NCBP2L: variants seen among roughly 807,000 people sequenced by gnomAD.
NCBP2L encodes the protein nuclear cap-binding protein subunit 2-like.
For missense variants in NCBP2L, 95 were observed against 53.1 expected (o/e 1.79, Z -2.45); for synonymous variants, 39 against 19.2 (o/e 2.04, Z -2.70).
At chrX:107,785,199 T>C (rs907699824) in intron 1 of NCBP2L, among the ~76,000 whole-genome samples, 1 of 112,023 alleles carries the variant, frequency 8.9e-6, no homozygotes, top group African/African-American at 3.2e-5. Context: ...GGTTTTCTGA[T>C]GAGCCTCTGT....
intron 1 of NCBP2L, among the ~76,000 whole-genome samples, chrX:107,791,599 C>A (rs1164896399): frequency 1.8e-5 from 2 of 112,460 alleles, no homozygotes; most frequent in African/African-American, 6.5e-5. Flanking sequence ...TTGGGCTCAG[C>A]ATCATGTAAG....
chrX:107,778,481 T>C (rs976715005), intron 1 of NCBP2L, among the ~76,000 whole-genome samples: 13 of 112,790 alleles, frequency 1.2e-4, no homozygotes, highest in Middle Eastern at 4.6e-3. Flanking sequence ...AGTTCAGAGA[T>C]AGAGTTCAGG....
At chrX:107,781,692 C>CTATATA (rs1212780432) in intron 1 of NCBP2L, among the ~76,000 whole-genome samples, 3 of 66,913 alleles carry the variant, frequency 4.5e-5, no homozygotes, top group African/African-American at 8.5e-5. Flanking sequence ...CTCTCTCTCT[C>CTATATA]TATATATATA....
chrX:107,793,552 T>C (rs1380736797), intron 1 of NCBP2L, among the ~76,000 whole-genome samples: 1 of 111,954 alleles, frequency 8.9e-6, no homozygotes, highest in African/African-American at 3.3e-5. Flanking sequence ...TTTGAACAAG[T>C]GGAATTATTG....
In NCBP2L at chrX:107,795,796, G is replaced by C. The variant is rs1479457237; in HGVS notation, c.*1114G>C. ...ATAGCATAACTTAGGTTATACTGCA[G>C]TAATAAAAAATCGAAAAATTTTAGT... On this transcript the variant is annotated 3_prime_UTR_variant, in exon 2 of 2. Coordinates refer to ENST00000509000, the MANE Select transcript of NCBP2L (RefSeq NM_001348372.2). 9.0e-6 allele frequency: 1 copy of C among 111,523 alleles called. No homozygotes were observed. The highest frequency in any genetic ancestry group is 3.3e-5 in the African/African-American group (1 of 30,677). The allele number at this position is 111,523 out of a possible 1,213,427, so 9.2% of individuals were successfully genotyped here. A position where few individuals can be genotyped will look rare whatever the true frequency, so the allele number is the denominator to read the frequency against.
intron 1 of NCBP2L, among the ~76,000 whole-genome samples, chrX:107,782,314 T>A (rs1207818680): frequency 3.0e-5 from 1 of 33,329 alleles, no homozygotes; most frequent in Admixed American, 5.3e-4. Context: ...TATATATAAA[T>A]ATATATATAT....
chrX:107,786,614 A>G (rs1245856061), intron 1 of NCBP2L, among the ~76,000 whole-genome samples: 1 of 111,360 alleles, frequency 9.0e-6, no homozygotes, highest in Non-Finnish European at 1.9e-5. Context: ...AATAATGACT[A>G]CCACATACTG....
At chrX:107,792,016 G>T (rs778386290) in intron 1 of NCBP2L, among the ~76,000 whole-genome samples, 1 of 112,354 alleles carries the variant, frequency 8.9e-6, no homozygotes, top group African/African-American at 3.2e-5. Context: ...GCAGCCCATT[G>T]TCTTTGGACT....
intron 1 of NCBP2L, among the ~76,000 whole-genome samples, chrX:107,784,536 C>G (rs138016248): frequency 1.3e-3 from 142 of 110,044 alleles, no homozygotes; most frequent in Non-Finnish European, 1.7e-3. Context: ...GATATAATGT[C>G]TGCAAGCATG....
intron 1 of NCBP2L, among the ~76,000 whole-genome samples, chrX:107,782,252 TATATATATAAATATATATATATAA>T (rs1569457264): frequency 1.0e-4 from 2 of 20,084 alleles, no homozygotes; most frequent in African/African-American, 4.0e-4. Context: ...TATATATAAA[TATATATATAAATATATATATATAA>T]ATATATATAA....
In NCBP2L at chrX:107,793,939, A is replaced by G. The variant is rs747864587; in HGVS notation, c.-72-210A>G. Among the ~76,000 whole-genome samples the G allele has an allele frequency of 5.3e-5, 6 of 112,446 alleles. No homozygotes were observed. The East Asian group carries it at 1.7e-3, about 31-fold the overall frequency. On this transcript the variant is annotated intron_variant, in intron 1 of 1. Coordinates refer to ENST00000509000, the MANE Select transcript of NCBP2L (RefSeq NM_001348372.2). The stretch of plus-strand genomic sequence containing the variant: ...GATCTAAGTCTCAACCAAAGACAGC[A>G]CAACTTCCCTTTCAGGAAGACTTGA...
At position 107,795,730 on chromosome X, in the gene NCBP2L, A is replaced by G. The variant is rs776310534; in HGVS notation, c.*1048A>G. ...AAGCTTATTAGGATGTAACCCCATC[A>G]TAAGTCAATGAGCATCTGTACTTAC... On this transcript the variant is annotated 3_prime_UTR_variant, in exon 2 of 2. Coordinates refer to ENST00000509000, the MANE Select transcript of NCBP2L (RefSeq NM_001348372.2). 2.7e-5 allele frequency: 3 copies of G among 112,186 alleles called. No individual in the cohort carries two copies. The highest frequency in any genetic ancestry group is 3.7e-4 in the South Asian group (1 of 2,672). 9.2% of individuals were successfully genotyped at this position (112,186 alleles called of 1,213,427 possible).
At chrX:107,781,190 T>C (rs1364635432) in intron 1 of NCBP2L, among the ~76,000 whole-genome samples, 1 of 109,902 alleles carries the variant, frequency 9.1e-6, no homozygotes, top group Non-Finnish European at 1.9e-5. Flanking sequence ...AGTGCTGGGA[T>C]TACAGGCATG....
In NCBP2L at chrX:107,795,186, G is replaced by T. The variant is rs1176420611; in HGVS notation, c.*504G>T. ...CCTGCCCCACCTCTTCCTATCCTAC[G>T]CCTATTCCCTGGACGATAACGCTTA... On this transcript the variant is annotated 3_prime_UTR_variant, in exon 2 of 2. Coordinates refer to ENST00000509000, the MANE Select transcript of NCBP2L (RefSeq NM_001348372.2). The T allele has an allele frequency of 1.8e-5, 2 of 112,390 alleles. No homozygotes were observed. Among genetic ancestry groups the T allele is most frequent in the Non-Finnish European group, 3.7e-5 (2 of 53,494 alleles). The allele number at this position is 112,390 out of a possible 1,213,427, so 9.3% of individuals were successfully genotyped here.
At chrX:107,779,321 C>T (rs1569456905) in intron 1 of NCBP2L, among the ~76,000 whole-genome samples, 1 of 112,411 alleles carries the variant, frequency 8.9e-6, no homozygotes, top group Non-Finnish European at 1.9e-5. Context: ...CTAACACTAT[C>T]GTGATCTGTT....
At chrX:107,782,276 A>T (rs866331394) in intron 1 of NCBP2L, among the ~76,000 whole-genome samples, 7 of 17,850 alleles carry the variant, frequency 3.9e-4, no homozygotes, top group African/African-American at 2.9e-3. Flanking sequence ...TATATATATA[A>T]ATATATATAA....
intron 1 of NCBP2L, among the ~76,000 whole-genome samples, chrX:107,792,529 C>T (rs1264326445): frequency 9.0e-6 from 1 of 111,699 alleles, no homozygotes; most frequent in Non-Finnish European, 1.9e-5. Context: ...ATAGGGACTC[C>T]CATTTTCATT....
chrX:107,791,757 G>T (rs1040749477), intron 1 of NCBP2L, among the ~76,000 whole-genome samples: 1 of 112,305 alleles, frequency 8.9e-6, no homozygotes, highest in African/African-American at 3.2e-5. Context: ...CAAACACTGT[G>T]CTGGGTGTTT....
intron 1 of NCBP2L, among the ~76,000 whole-genome samples, chrX:107,787,122 C>A (rs1368491976): frequency 8.9e-6 from 1 of 111,992 alleles, no homozygotes; most frequent in African/African-American, 3.2e-5. Flanking sequence ...TATTATTCAG[C>A]AGATCTAGGG....
Sources: allele counts gnomAD v4.1 joint callset (sites outside exome capture counted in the v4.1 genomes callset), GRCh38; gene constraint gnomAD v4.1.1; transcripts MANE v1.5; gene names NCBI Gene and HGNC (gene_info 2026-07-23, HGNC 2026-07-21).